The following RIMS2 variants were observed in gnomAD, a reference collection of about 807,000 sequenced individuals.
RIMS2 encodes the protein regulating synaptic membrane exocytosis 2.
In RIMS2, 59 loss-of-function variants were observed where a neutral mutation model predicts 174.4. That is an observed-to-expected ratio of 0.34 (90% CI 0.27 to 0.42). The LOEUF is 0.42. RIMS2 is among the 10% of genes least tolerant of loss of function. The pLI, the probability that RIMS2 is intolerant of heterozygous loss-of-function variation, is 1.00. For missense variants in RIMS2, 1,620 were observed against 1,666.3 expected (o/e 0.97, Z 0.48); for synonymous variants, 606 against 572.5 (o/e 1.06, Z -0.84).
intron 1 of RIMS2, among the ~76,000 whole-genome samples, chr8:103,532,122 T>C (rs890204961): frequency 6.6e-6 from 1 of 152,244 alleles, no homozygotes; most frequent in Non-Finnish European, 1.5e-5. Context: ...AGCTTTGTTA[T>C]GTTCCCAGTT....
intron 1 of RIMS2, among the ~76,000 whole-genome samples, chr8:103,669,725 G>T (rs1354476702): frequency 1.3e-5 from 2 of 152,248 alleles, no homozygotes; most frequent in Non-Finnish European, 2.9e-5. Flanking sequence ...TCACATCCAG[G>T]TCACACTGAT....
At chr8:104,231,467 C>A (rs771553709) in intron 19 of RIMS2, among the ~76,000 whole-genome samples, 1 of 152,044 alleles carries the variant, frequency 6.6e-6, no homozygotes, top group Admixed American at 6.6e-5. Flanking sequence ...TTCTATTCTT[C>A]CTTTACCACT....
downstream of RIMS2, chr8:104,254,493 C>T (rs1182931512): frequency 6.6e-6 from 1 of 152,222 alleles, no homozygotes; most frequent in Non-Finnish European, 1.5e-5. Flanking sequence ...AGCTCATTCC[C>T]TGAACTCATG....
At chr8:103,647,219 TGG>T (rs2096355115) in intron 1 of RIMS2, among the ~76,000 whole-genome samples, 3 of 152,240 alleles carry the variant, frequency 2.0e-5, no homozygotes, top group Non-Finnish European at 4.4e-5. Context: ...TATGTGCTGC[TGG>T]ATTCGGTTTG....
intron 1 of RIMS2, among the ~76,000 whole-genome samples, chr8:103,642,448 AGATT>A (rs769081934): frequency 2.0e-5 from 3 of 152,094 alleles, no homozygotes; most frequent in Non-Finnish European, 4.4e-5. Context: ...AGAAACTGAT[AGATT>A]AAGAATAAGA....
intron 1 of RIMS2, among the ~76,000 whole-genome samples, chr8:103,514,416 A>G (rs1310671504): frequency 6.6e-6 from 1 of 152,210 alleles, no homozygotes; most frequent in African/African-American, 2.4e-5. Flanking sequence ...TGTATGTCAT[A>G]TTGAGATAAA....
chr8:103,615,591 G>T (rs1380216969), intron 1 of RIMS2, among the ~76,000 whole-genome samples: 1 of 151,960 alleles, frequency 6.6e-6, no homozygotes, highest in Non-Finnish European at 1.5e-5. Context: ...ACAAATTCAG[G>T]AGTTGATTTT....
intron 3 of RIMS2, among the ~76,000 whole-genome samples, chr8:103,883,950 C>T (rs2099184773): frequency 6.6e-6 from 1 of 151,822 alleles, no homozygotes; most frequent in East Asian, 1.9e-4. Flanking sequence ...CATCTTCAGG[C>T]TAAGATCATC....
chr8:103,844,507 T>C (rs936737938), intron 3 of RIMS2, among the ~76,000 whole-genome samples: 16 of 152,178 alleles, frequency 1.1e-4, no homozygotes, highest in East Asian at 5.8e-4. Context: ...TGAACTGTAT[T>C]TAGTCTTAGT....
chr8:103,544,468 C>G (rs1461768022), intron 1 of RIMS2, among the ~76,000 whole-genome samples: 11 of 152,254 alleles, frequency 7.2e-5, no homozygotes, highest in Non-Finnish European at 1.6e-4. Flanking sequence ...GAGCATATTT[C>G]TGCCTGCATT....
chr8:103,846,135 A>T (rs2098966785), intron 3 of RIMS2, among the ~76,000 whole-genome samples: 1 of 152,112 alleles, frequency 6.6e-6, no homozygotes, highest in Non-Finnish European at 1.5e-5. Flanking sequence ...GGGCCTGATG[A>T]CTATAAGTCA....
intron 17 of RIMS2, among the ~76,000 whole-genome samples, chr8:104,005,784 C>T (rs1035950373): frequency 6.6e-6 from 1 of 151,982 alleles, no homozygotes; most frequent in Non-Finnish European, 1.5e-5. Context: ...ATGAGGGCTG[C>T]TATGAAGTTT....
chr8:103,913,948 G>A (rs958380672), intron 6 of RIMS2, among the ~76,000 whole-genome samples: 13 of 152,118 alleles, frequency 8.5e-5, no homozygotes, highest in East Asian at 3.9e-4. Flanking sequence ...AACTATATCA[G>A]ACTACTAACA....
At chr8:103,505,305 G>A (rs1351110768) in intron 1 of RIMS2, among the ~76,000 whole-genome samples, 1 of 152,152 alleles carries the variant, frequency 6.6e-6, no homozygotes, top group African/African-American at 2.4e-5. Flanking sequence ...GTGTATGTGT[G>A]TGCTCATACA....
chr8:103,585,756 A>G (rs966197312), intron 1 of RIMS2, among the ~76,000 whole-genome samples: 1 of 152,038 alleles, frequency 6.6e-6, no homozygotes, highest in African/African-American at 2.4e-5. Context: ...GAGGGAGTGC[A>G]TTAAGATAAA....
intron 19 of RIMS2, among the ~76,000 whole-genome samples, chr8:104,210,110 A>T (rs2099098889): frequency 6.6e-6 from 1 of 152,164 alleles, no homozygotes; most frequent in African/African-American, 2.4e-5. Flanking sequence ...TGACCTGCAA[A>T]TTTTTTGTAT....
exon 4 of RIMS2, chr8:103,885,965 A>C: frequency 6.2e-7 from 1 of 1,613,134 alleles, no homozygotes; most frequent in Non-Finnish European, 8.5e-7. Context: ...CTCACTACGG[A>C]AACAGCACCA....
At chr8:103,970,413 C>T (rs2154547593) in intron 15 of RIMS2, among the ~76,000 whole-genome samples, 1 of 152,264 alleles carries the variant, frequency 6.6e-6, no homozygotes, top group Middle Eastern at 3.4e-3. Context: ...AAAAGTAGGG[C>T]ATTCTGGAGT....
At chr8:103,533,190 T>C (rs10097744) in intron 1 of RIMS2, among the ~76,000 whole-genome samples, 26,764 of 152,178 alleles carry the variant, frequency 0.18, 2,553 homozygotes, top group African/African-American at 0.23. Flanking sequence ...ATATGGTTAG[T>C]TAATTAAATC....
Sources: allele counts gnomAD v4.1 joint callset (sites outside exome capture counted in the v4.1 genomes callset), GRCh38; gene constraint gnomAD v4.1.1; transcripts MANE v1.5; gene names NCBI Gene and HGNC (gene_info 2026-07-23, HGNC 2026-07-21).